Variants in SLC1A7 observed in about 807,000 individuals in gnomAD.
SLC1A7 encodes solute carrier family 1 member 7.
A neutral mutation model predicts 47.7 loss-of-function variants in SLC1A7; 40 were observed. That is an observed-to-expected ratio of 0.84 (90% CI 0.65 to 1.09). The LOEUF (loss-of-function observed/expected upper bound fraction) is 1.09. Ranked by LOEUF, SLC1A7 falls within the 50% of genes least tolerant of loss-of-function variation. The pLI is 0.00. For missense variants in SLC1A7, 746 were observed against 769.5 expected, an observed-to-expected ratio of 0.97 and a Z score of 0.36; for synonymous variants, 323 against 325.6, an observed-to-expected ratio of 0.99 and a Z score of 0.09.
At chr1:53,138,630 A>T (rs887528575) in intron 1 of SLC1A7, among the ~76,000 whole-genome samples, 4 of 151,876 alleles carry the variant, frequency 2.6e-5, no homozygotes, top group Non-Finnish European at 5.9e-5. Context: ...GGCCTCCCAA[A>T]GTGCTAGGAT....
At chr1:53,100,060 C>G (rs1488685003) in intron 5 of SLC1A7, among the ~76,000 whole-genome samples, 1 of 151,800 alleles carries the variant, frequency 6.6e-6, no homozygotes, top group Non-Finnish European at 1.5e-5. Flanking sequence ...CACCTTGCCT[C>G]TCTGTACACT....
At chr1:53,116,645 G>A (rs1644764842) in intron 2 of SLC1A7, among the ~76,000 whole-genome samples, 1 of 152,178 alleles carries the variant, frequency 6.6e-6, no homozygotes, top group Non-Finnish European at 1.5e-5. Context: ...CGCAGGGCCG[G>A]TGCGTCAACC....
At chr1:53,120,214 C>G (rs941804941) in intron 2 of SLC1A7, among the ~76,000 whole-genome samples, 2 of 152,174 alleles carry the variant, frequency 1.3e-5, no homozygotes, top group African/African-American at 4.8e-5. Context: ...TGACCCTCCC[C>G]TGGTTCTCGC....
chr1:53,130,468 A>G (rs1481644066), intron 2 of SLC1A7, among the ~76,000 whole-genome samples: 2 of 151,994 alleles, frequency 1.3e-5, no homozygotes, highest in Non-Finnish European at 1.5e-5. Flanking sequence ...GAAGCTGGTG[A>G]GCCCAAATGT....
At chr1:53,105,066 GA>G (rs1238173922) in intron 4 of SLC1A7, among the ~76,000 whole-genome samples, 1 of 151,780 alleles carries the variant, frequency 6.6e-6, no homozygotes, top group African/African-American at 2.4e-5. Flanking sequence ...TAATGGAAGT[GA>G]AAAAAAGCAA....
At chr1:53,092,304 C>T (rs60961888) in intron 7 of SLC1A7, among the ~76,000 whole-genome samples, 5,552 of 152,366 alleles carry the variant, frequency 0.036, 179 homozygotes, top group East Asian at 0.16. Flanking sequence ...TGCCCTGGCG[C>T]GTCGAGGCCG....
At chr1:53,132,026 A>G (rs1644946647) in intron 2 of SLC1A7, among the ~76,000 whole-genome samples, 1 of 152,208 alleles carries the variant, frequency 6.6e-6, no homozygotes, top group Admixed American at 6.5e-5. Flanking sequence ...AGGAAGGAAC[A>G]GCACGTGTGG....
rs1644526251 is a variant in SLC1A7 at position 53,098,382 on chromosome 1, C to A, written c.698-4822G>T. On this transcript the variant is annotated intron_variant, in intron 5 of 10. Coordinates refer to ENST00000371494, the MANE Select transcript of SLC1A7 (RefSeq NM_006671.6). ...ACCTTGGTACACACATACGGTCACA[C>A]CACCTTGGTACACTCACACACTCCA... Among the ~76,000 whole-genome samples, 6 of 150,636 alleles carry A rather than the reference C, an allele frequency of 4.0e-5. No homozygotes were observed. The South Asian group carries it at 1.1e-3, about 27-fold the overall frequency.
intron 5 of SLC1A7, among the ~76,000 whole-genome samples, chr1:53,100,444 C>T (rs1644560728): frequency 6.7e-6 from 1 of 150,098 alleles, no homozygotes; most frequent in African/African-American, 2.5e-5. Flanking sequence ...TCACACGTCC[C>T]ACCTCGGTCC....
intron 2 of SLC1A7, among the ~76,000 whole-genome samples, chr1:53,123,210 T>G (rs1371704412): frequency 6.6e-6 from 1 of 152,106 alleles, no homozygotes; most frequent in Admixed American, 6.5e-5. Flanking sequence ...CAACTCCACG[T>G]GAACTGAATC....
intron 2 of SLC1A7, among the ~76,000 whole-genome samples, chr1:53,122,204 T>C (rs1019014429): frequency 2.0e-5 from 3 of 152,102 alleles, no homozygotes; most frequent in Non-Finnish European, 2.9e-5. Context: ...GCAAGCAACT[T>C]GCTAAAGTCA....
At chr1:53,140,633 G>T (rs1357474258) in intron 1 of SLC1A7, among the ~76,000 whole-genome samples, 4 of 152,144 alleles carry the variant, frequency 2.6e-5, no homozygotes, top group African/African-American at 7.2e-5. Flanking sequence ...ACTTTAACAG[G>T]TACATAAGGG....
At chr1:53,141,789 C>A (rs1645060019) in intron 1 of SLC1A7, among the ~76,000 whole-genome samples, 1 of 152,278 alleles carries the variant, frequency 6.6e-6, no homozygotes, top group South Asian at 2.1e-4. Flanking sequence ...AGGGGTCTCC[C>A]AAGCTCCAAA....
chr1:53,101,933 G>A (rs1557674157), intron 5 of SLC1A7, among the ~76,000 whole-genome samples: 1 of 152,012 alleles, frequency 6.6e-6, no homozygotes, highest in Non-Finnish European at 1.5e-5. Flanking sequence ...CCCTGCCTCG[G>A]TACCCTCATA....
At chr1:53,115,182 C>G in intron 2 of SLC1A7, 1 of 600,424 alleles carries the variant, frequency 1.7e-6, no homozygotes, top group Non-Finnish European at 3.0e-6. Flanking sequence ...CCACACACAT[C>G]TGTGCCTTGA....
chr1:53,093,137 T>C (rs929632569), intron 6 of SLC1A7, among the ~76,000 whole-genome samples: 1 of 152,220 alleles, frequency 6.6e-6, no homozygotes, highest in African/African-American at 2.4e-5. Context: ...GACTCTGAAC[T>C]GTGGGCTAGT....
In SLC1A7 at chr1:53,114,913, G is replaced by A. The variant is rs17108032; in HGVS notation, c.276C>T (p.Thr92=). ...AKTSSRLGVL[T]VAYYLWTTFM... is the part of the protein sequence containing the mutation. ...AGGTGGTCCACAGGTAGTACGCCAC[G>A]GTGAGGACGCCCAGGCGGCTAGAGG... is the stretch of plus-strand genomic sequence containing the variant. The change falls in exon 3 of 11, where the codon ACC becomes ACT. Residue 92 remains threonine, a synonymous_variant. Transcript: ENST00000371494. 5,837 of 1,614,180 alleles carry A rather than the reference G, an allele frequency of 3.6e-3. 115 individuals carry two copies. In the African/African-American group the frequency reaches 0.055, roughly 15 times the overall value.
intron 3 of SLC1A7, chr1:53,108,581 G>A (rs1431027536): frequency 2.8e-6 from 2 of 717,960 alleles, no homozygotes; most frequent in African/African-American, 3.5e-5. Context: ...TCTTAAGGAG[G>A]TGCCCATTCA....
chr1:53,091,096 G>T, intron 7 of SLC1A7: 2 of 783,148 alleles, frequency 2.6e-6, no homozygotes, highest in South Asian at 1.9e-5. Context: ...TGAGCAGCAG[G>T]GCCCTGGGCC....
Sources: allele counts gnomAD v4.1 joint callset (sites outside exome capture counted in the v4.1 genomes callset), GRCh38; gene constraint gnomAD v4.1.1; transcripts MANE v1.5; gene names NCBI Gene and HGNC (gene_info 2026-07-23, HGNC 2026-07-21).